The following LRP1B variants were observed in gnomAD, a reference collection of about 807,000 sequenced individuals.
LRP1B encodes the protein low-density lipoprotein receptor-related protein 1B.
A neutral mutation model predicts 556.6 loss-of-function variants in LRP1B; 217 were observed. That is an observed-to-expected ratio of 0.39 (90% confidence interval 0.35 to 0.44). LRP1B has a LOEUF of 0.44. Ranked by LOEUF, LRP1B falls within the 20% of genes least tolerant of loss-of-function variation. The pLI is 1.00. For missense variants in LRP1B, 5,053 were observed against 5,620.8 expected (o/e 0.90, Z 3.23); for synonymous variants, 2,047 against 1,865.8 (o/e 1.10, Z -2.50).
Position 141,744,471 on chromosome 2 carries a change from A to G in LRP1B, c.205+65808T>C, listed in dbSNP as rs182675275. Among the ~76,000 whole-genome samples the G allele has an allele frequency of 5.3e-5, 8 of 152,296 alleles. No individual in the cohort carries two copies. The East Asian group carries it at 1.5e-3, about 29-fold the overall frequency. On this transcript the variant is annotated intron_variant, in intron 2 of 90. Coordinates refer to ENST00000389484, the MANE Select transcript of LRP1B (RefSeq NM_018557.3). Reference sequence around the variant, plus strand: ...AATGTGTATTCTGCAGTCATTGGATAAAATGCTTTGTAAATATCTATTAGG... The same window carrying G: ...AATGTGTATTCTGCAGTCATTGGATGAAATGCTTTGTAAATATCTATTAGG...
intron 40 of LRP1B, among the ~76,000 whole-genome samples, chr2:140,700,867 A>C (rs995068541): frequency 1.3e-5 from 2 of 152,092 alleles, no homozygotes; most frequent in Non-Finnish European, 1.5e-5. Flanking sequence ...TTAAGCATTA[A>C]ATTTTTCCCT....
intron 24 of LRP1B, among the ~76,000 whole-genome samples, chr2:140,884,919 G>T (rs920524020): frequency 5.3e-5 from 8 of 152,074 alleles, no homozygotes; most frequent in African/African-American, 1.9e-4. Context: ...TTGCCATGTT[G>T]TCCAGGCTGG....
intron 1 of LRP1B, among the ~76,000 whole-genome samples, chr2:141,956,323 ATATT>A (rs1701251503): frequency 6.6e-6 from 1 of 152,060 alleles, no homozygotes; most frequent in African/African-American, 2.4e-5. Flanking sequence ...GTTTTAACTC[ATATT>A]TATTTGATGA....
intron 10 of LRP1B, among the ~76,000 whole-genome samples, chr2:141,053,848 GATT>G (rs1470954294): frequency 6.6e-6 from 1 of 150,496 alleles, no homozygotes; most frequent in African/African-American, 2.4e-5. Context: ...GTGTGTGTGT[GATT>G]ATATTTCCCA....
At chr2:141,376,424 C>T (rs1349711619) in intron 3 of LRP1B, among the ~76,000 whole-genome samples, 2 of 152,198 alleles carry the variant, frequency 1.3e-5, no homozygotes, top group African/African-American at 4.8e-5. Context: ...AAATCCTCTC[C>T]TTACTTCTGG....
intron 3 of LRP1B, among the ~76,000 whole-genome samples, chr2:141,401,225 A>T (rs903741095): frequency 6.6e-6 from 1 of 152,170 alleles, no homozygotes; most frequent in African/African-American, 2.4e-5. Context: ...AGTTGTTTCC[A>T]TTATCTCCTT....
At chr2:140,930,355 A>G (rs1429340) in intron 20 of LRP1B, among the ~76,000 whole-genome samples, 147,282 of 152,140 alleles carry the variant, frequency 0.97, 71,476 homozygotes, top group East Asian at 1. Flanking sequence ...TGAAGGAAAT[A>G]TGGCAACTGC....
chr2:141,178,415 T>G, intron 7 of LRP1B, among the ~76,000 whole-genome samples: 1 of 152,126 alleles, frequency 6.6e-6, no homozygotes, highest in East Asian at 1.9e-4. Flanking sequence ...TGAGAGTCTT[T>G]TGATAGTTTA....
At chr2:140,994,347 G>T (rs548130215) in intron 15 of LRP1B, among the ~76,000 whole-genome samples, 23 of 151,048 alleles carry the variant, frequency 1.5e-4, no homozygotes, top group African/African-American at 5.1e-4. Context: ...TTTTCTAAAG[G>T]CCGAGTAATA....
chr2:140,486,832 A>G (rs1021183315), intron 58 of LRP1B, among the ~76,000 whole-genome samples: 4 of 151,870 alleles, frequency 2.6e-5, no homozygotes, highest in African/African-American at 9.7e-5. Context: ...AATCACTTGA[A>G]TCCAGCTTAC....
chr2:141,938,201 A>G, intron 1 of LRP1B, among the ~76,000 whole-genome samples: 1 of 152,182 alleles, frequency 6.6e-6, no homozygotes, highest in African/African-American at 2.4e-5. Context: ...TGCAAACCAT[A>G]TATCTAATAA....
At chr2:140,626,349 C>A (rs571360344) in intron 41 of LRP1B, among the ~76,000 whole-genome samples, 1 of 152,074 alleles carries the variant, frequency 6.6e-6, no homozygotes, top group East Asian at 1.9e-4. Flanking sequence ...CAAGAGAGAA[C>A]CCTAATTTAA....
At chr2:141,202,503 C>T (rs755349117) in intron 6 of LRP1B, among the ~76,000 whole-genome samples, 14 of 152,138 alleles carry the variant, frequency 9.2e-5, no homozygotes, top group Non-Finnish European at 1.5e-4. Flanking sequence ...TTGCTTTCCA[C>T]AATGGTTGAA....
At chr2:140,998,268 C>T (rs1697312539) in intron 15 of LRP1B, among the ~76,000 whole-genome samples, 1 of 151,966 alleles carries the variant, frequency 6.6e-6, no homozygotes, top group South Asian at 2.1e-4. Context: ...AAAATTCTGT[C>T]TTATTTTTAG....
chr2:140,967,894 C>A (rs1017791335), intron 18 of LRP1B, among the ~76,000 whole-genome samples: 2 of 151,744 alleles, frequency 1.3e-5, no homozygotes, highest in South Asian at 4.2e-4. Context: ...ATGAAGCCCA[C>A]TTGATCATGG....
At chr2:141,055,342 T>C in intron 9 of LRP1B, 83 bp from the exon 10 acceptor site, 1 of 1,469,570 alleles carries the variant, frequency 6.8e-7, no homozygotes, top group Non-Finnish European at 9.2e-7. Context: ...AAAATTTCTA[T>C]AGTGTAAAAA....
intron 32 of LRP1B, among the ~76,000 whole-genome samples, chr2:140,793,688 C>T (rs771806448): frequency 4.6e-5 from 7 of 151,848 alleles, no homozygotes; most frequent in African/African-American, 1.2e-4. Context: ...AAAATAAAAA[C>T]ATGTAAAACC....
At chr2:141,514,286 C>T (rs1362801266) in intron 2 of LRP1B, among the ~76,000 whole-genome samples, 2 of 152,118 alleles carry the variant, frequency 1.3e-5, no homozygotes, top group Non-Finnish European at 2.9e-5. Flanking sequence ...TTATGTAATG[C>T]CCCAGACTTC....
intron 3 of LRP1B, among the ~76,000 whole-genome samples, chr2:141,266,745 T>G (rs1684905290): frequency 6.6e-6 from 1 of 152,214 alleles, no homozygotes; most frequent in South Asian, 2.1e-4. Context: ...AACATTTTAT[T>G]GTAGATTTTA....
Sources: gnomAD v4.1 joint callset for allele counts (sites outside exome capture counted in the v4.1 genomes callset) on GRCh38, gnomAD v4.1.1 for gene constraint, MANE v1.5 for transcripts, NCBI Gene and HGNC (gene_info 2026-07-23, HGNC 2026-07-21) for gene names.